CADM2: variants seen among roughly 807,000 people sequenced by gnomAD.
CADM2 encodes the protein immunoglobulin superfamily member 4D.
A neutral mutation model predicts 49.8 loss-of-function variants in CADM2; 12 were observed. The ratio of observed to expected loss-of-function variants is 0.24; its 90% CI spans 0.15 to 0.39. The LOEUF (loss-of-function observed/expected upper bound fraction) is 0.39, where lower values mean the gene tolerates loss of function less well. Ranked by LOEUF, CADM2 falls within the 10% of genes least tolerant of loss-of-function variation. The pLI is 1.00. For synonymous variants in CADM2, 214 were observed against 175.4 expected (o/e 1.22, Z -1.74); for missense variants, 378 against 492.3 (o/e 0.77, Z 2.20).
intron 1 of CADM2, among the ~76,000 whole-genome samples, chr3:85,157,400 G>A (rs970128386): frequency 1.2e-4 from 18 of 151,880 alleles, no homozygotes; most frequent in African/African-American, 4.4e-4. Flanking sequence ...TAAGCCAAAA[G>A]AACAAAGCTG....
intron 1 of CADM2, among the ~76,000 whole-genome samples, chr3:84,983,109 A>C (rs1241283437): frequency 6.6e-6 from 1 of 152,164 alleles, no homozygotes; most frequent in East Asian, 1.9e-4. Context: ...AACCCCATTT[A>C]AAATGGTGTA....
chr3:85,138,170 C>G (rs1046664222), intron 1 of CADM2, among the ~76,000 whole-genome samples: 21 of 151,766 alleles, frequency 1.4e-4, no homozygotes, highest in Admixed American at 2.6e-4. Context: ...CTGTTCTTTC[C>G]TTTGTTGCAT....
intron 1 of CADM2, among the ~76,000 whole-genome samples, chr3:85,442,191 G>T (rs2037233924): frequency 1.3e-5 from 2 of 151,930 alleles, no homozygotes; most frequent in Non-Finnish European, 2.9e-5. Context: ...TATTTTCCTT[G>T]TTCTCTCTCC....
At chr3:85,363,909 C>T (rs372544005) in intron 1 of CADM2, among the ~76,000 whole-genome samples, 21 of 152,336 alleles carry the variant, frequency 1.4e-4, no homozygotes, top group African/African-American at 4.8e-4. Flanking sequence ...CCGCGCCCGG[C>T]CTTGATTTGA....
chr3:86,012,640 C>A, intron 8 of CADM2: 1 of 1,544,928 alleles, frequency 6.5e-7, no homozygotes. Context: ...TCCCGCGGGA[C>A]CCGGCCAGAT....
intron 5 of CADM2, among the ~76,000 whole-genome samples, chr3:85,906,309 A>G (rs762231346): frequency 1.3e-5 from 2 of 151,882 alleles, no homozygotes; most frequent in African/African-American, 2.4e-5. Flanking sequence ...GATCTGCGAA[A>G]TAACATTTAA....
At chr3:85,127,877 C>G (rs1239313944) in intron 1 of CADM2, among the ~76,000 whole-genome samples, 1 of 152,060 alleles carries the variant, frequency 6.6e-6, no homozygotes, top group East Asian at 1.9e-4. Context: ...TAAATGTGAT[C>G]AAATACAATC....
At chr3:85,382,479 C>A (rs543429664) in intron 1 of CADM2, among the ~76,000 whole-genome samples, 259 of 152,296 alleles carry the variant, frequency 1.7e-3, no homozygotes, top group Non-Finnish European at 1.5e-3. Context: ...TTAACTCATT[C>A]TGCTTCCTGA....
intron 8 of CADM2, among the ~76,000 whole-genome samples, chr3:86,029,553 G>A (rs1001683911): frequency 6.6e-6 from 1 of 151,568 alleles, no homozygotes; most frequent in Admixed American, 6.6e-5. Flanking sequence ...TTTTTTTTCT[G>A]AGTATTTTCG....
chr3:85,445,931 A>G (rs959548362), intron 1 of CADM2, among the ~76,000 whole-genome samples: 2 of 152,174 alleles, frequency 1.3e-5, no homozygotes, highest in Non-Finnish European at 2.9e-5. Context: ...TGTATTGCAA[A>G]TATATGCATC....
At chr3:85,106,952 G>T (rs2038250366) in intron 1 of CADM2, among the ~76,000 whole-genome samples, 3 of 152,132 alleles carry the variant, frequency 2.0e-5, no homozygotes, top group Admixed American at 2.0e-4. Flanking sequence ...CTTACAGTAG[G>T]TAGATCATTT....
intron 1 of CADM2, among the ~76,000 whole-genome samples, chr3:85,515,559 A>AC (rs2060874722): frequency 2.0e-5 from 3 of 147,900 alleles, no homozygotes; most frequent in African/African-American, 2.5e-5. Flanking sequence ...AGTAGCTGGG[A>AC]TTACAGGAGA....
intron 1 of CADM2, among the ~76,000 whole-genome samples, chr3:85,515,154 A>G (rs757927856): frequency 6.6e-6 from 1 of 152,118 alleles, no homozygotes; most frequent in Non-Finnish European, 1.5e-5. Context: ...CTGTTAAGTG[A>G]CTGACCTAGA....
At position 86,073,328 on chromosome 3, in the gene CADM2, G is replaced by T. The variant is rs1001455510; in HGVS notation, c.*6545G>T. The T allele has an allele frequency of 6.6e-6, 1 of 151,926 alleles. No homozygotes were observed. The highest frequency in any genetic ancestry group is 2.1e-4 in the South Asian group (1 of 4,828). 9.4% of individuals were successfully genotyped at this position (151,926 alleles called of 1,614,324 possible). ...TATGACAGCATAAAAAATAAATTCT[G>T]TGCTATAAAGAAGATCCAACAAATT... On this transcript the variant is annotated 3_prime_UTR_variant, in exon 10 of 10. Transcript: ENST00000383699.
intron 3 of CADM2, among the ~76,000 whole-genome samples, chr3:85,816,184 C>G (rs896650030): frequency 7.3e-5 from 11 of 150,556 alleles, no homozygotes; most frequent in African/African-American, 2.4e-4. Flanking sequence ...TGCCCTCCCC[C>G]ATAGTGAATC....
intron 1 of CADM2, among the ~76,000 whole-genome samples, chr3:84,959,871 C>T (rs1367613364): frequency 1.3e-5 from 2 of 152,110 alleles, no homozygotes; most frequent in African/African-American, 2.4e-5. Context: ...GCCCTGCCTT[C>T]CCAGCAGTCA....
intron 1 of CADM2, among the ~76,000 whole-genome samples, chr3:85,333,158 G>A (rs1010172380): frequency 3.3e-5 from 5 of 151,812 alleles, no homozygotes; most frequent in South Asian, 4.1e-4. Context: ...ACAGTAGAAA[G>A]AACTCAGTGT....
chr3:85,249,055 A>G (rs2042716955), intron 1 of CADM2, among the ~76,000 whole-genome samples: 1 of 152,148 alleles, frequency 6.6e-6, no homozygotes, highest in African/African-American at 2.4e-5. Context: ...AGCCTATTTA[A>G]TCTTTGCTAC....
chr3:85,170,392 G>T (rs1263383715), intron 1 of CADM2, among the ~76,000 whole-genome samples: 1 of 150,574 alleles, frequency 6.6e-6, no homozygotes, highest in East Asian at 2.0e-4. Flanking sequence ...AGGCTGGAGT[G>T]CAGTGGCGCG....
Sources: gnomAD v4.1 joint callset for allele counts (sites outside exome capture counted in the v4.1 genomes callset) on GRCh38, gnomAD v4.1.1 for gene constraint, MANE v1.5 for transcripts, NCBI Gene and HGNC (gene_info 2026-07-23, HGNC 2026-07-21) for gene names.